The following TG variants were observed in gnomAD, a reference collection of about 807,000 sequenced individuals.
The protein encoded by TG is thyroglobulin.
Under a neutral mutation model 324.7 loss-of-function variants are expected in TG, and 270 were observed. That is an observed-to-expected ratio of 0.83 (90% CI 0.75 to 0.92). The LOEUF (loss-of-function observed/expected upper bound fraction) is 0.92. Ranked by LOEUF, TG falls within the 40% of genes least tolerant of loss-of-function variation. The pLI is 0.00. For synonymous variants in TG, 1,401 were observed against 1,327.0 expected, an observed-to-expected ratio of 1.06 and a Z score of -1.21; for missense variants, 3,591 against 3,456.4, an observed-to-expected ratio of 1.04 and a Z score of -0.98.
intron 20 of TG, among the ~76,000 whole-genome samples, chr8:132,915,207 G>T (rs980453273): frequency 2.0e-5 from 3 of 152,174 alleles, no homozygotes; most frequent in Non-Finnish European, 4.4e-5. Context: ...GCCCCAGGAG[G>T]CTCCTTGGCC....
At position 133,017,858 on chromosome 8, in the gene TG, G is replaced by C. The variant is rs1318007768; in HGVS notation, c.6643G>C (p.Ala2215Pro). The change falls in exon 38 of 48, where the codon GCC becomes CCC. Residue 2215 changes from alanine (A) to proline (P), a missense_variant. Coordinates refer to ENST00000220616, the MANE Select transcript of TG (RefSeq NM_003235.5). Reference protein sequence around the residue: ...THGRLLGRSQAIQVGTSWKQV... With the variant: ...THGRLLGRSQPIQVGTSWKQV... ...TGGCCGGCTGCTGGGCAGGTCCCAG[G>C]CCATCCAGGTGGGTACCTCATGGAA... The C allele has an allele frequency of 6.2e-7, 1 of 1,614,028 alleles. No individual in the cohort carries two copies. Among genetic ancestry groups the C allele is most frequent in the Admixed American group, 1.7e-5 (1 of 59,998 alleles).
In TG at chr8:132,900,350, G is replaced by A; in HGVS notation, c.3433+11G>A. The A allele has an allele frequency of 6.2e-7, 1 of 1,605,154 alleles. No homozygotes were observed. The highest frequency in any genetic ancestry group is 8.5e-7 in the Non-Finnish European group (1 of 1,175,988). ...GCAGCAGTGCCCAGTGTGAGTAGCA[G>A]CCCCTCCTGGCATGGCTTCTCACCT... On this transcript the variant is annotated intron_variant, in intron 15 of 47. Transcript: ENST00000220616.
chr8:132,949,619 A>G (rs372097694), intron 27 of TG, among the ~76,000 whole-genome samples: 4 of 152,324 alleles, frequency 2.6e-5, no homozygotes, highest in African/African-American at 9.6e-5. Flanking sequence ...TACCAATTGT[A>G]CTGCCCACTC....
At chr8:132,990,719 T>C (rs540752055) in intron 35 of TG, among the ~76,000 whole-genome samples, 24 of 152,308 alleles carry the variant, frequency 1.6e-4, no homozygotes, top group African/African-American at 5.8e-4. Context: ...CTACAAGGTG[T>C]GCACAACTGT....
At chr8:132,942,337 T>C (rs370684070) in intron 26 of TG, among the ~76,000 whole-genome samples, 3 of 152,254 alleles carry the variant, frequency 2.0e-5, no homozygotes, top group South Asian at 4.1e-4. Context: ...TGGTGTGCCA[T>C]TGATTGACTA....
At chr8:132,991,375 T>G (rs1413645810) in intron 35 of TG, among the ~76,000 whole-genome samples, 3 of 152,178 alleles carry the variant, frequency 2.0e-5, no homozygotes, top group East Asian at 3.9e-4. Context: ...GGCACTGGGC[T>G]GATGGCGTGT....
chr8:133,011,036 C>T (rs1009766915), intron 35 of TG, among the ~76,000 whole-genome samples: 7 of 152,248 alleles, frequency 4.6e-5, no homozygotes, highest in African/African-American at 9.6e-5. Context: ...TGGGGTTTTC[C>T]GAGAAGCAGA....
At chr8:132,976,273 C>G (rs1287129422) in intron 34 of TG, among the ~76,000 whole-genome samples, 1 of 152,130 alleles carries the variant, frequency 6.6e-6, no homozygotes, top group African/African-American at 2.4e-5. Flanking sequence ...ATCAAGGAGC[C>G]AGCATCTGTC....
intron 43 of TG, among the ~76,000 whole-genome samples, chr8:133,097,095 G>C (rs1255423984): frequency 3.3e-5 from 5 of 152,240 alleles, no homozygotes; most frequent in Non-Finnish European, 7.3e-5. Context: ...TGTGCATAAA[G>C]CACAAAGAGA....
At chr8:133,095,425 C>T (rs1183807074) in intron 42 of TG, among the ~76,000 whole-genome samples, 1 of 152,200 alleles carries the variant, frequency 6.6e-6, no homozygotes, top group Non-Finnish European at 1.5e-5. Context: ...ACAGATGCCT[C>T]TGCAATTTGT....
At chr8:133,035,798 G>A (rs908491176) in intron 41 of TG, among the ~76,000 whole-genome samples, 1 of 151,954 alleles carries the variant, frequency 6.6e-6, no homozygotes, top group Non-Finnish European at 1.5e-5. Context: ...TTCAAACTTT[G>A]TGTGTCAATA....
At position 133,021,978 on chromosome 8, in the gene TG, C is replaced by T; in HGVS notation, c.6877-13C>T. On this transcript the variant is annotated splice_polypyrimidine_tract_variant and intron_variant, in intron 39 of 47. Transcript: ENST00000220616. ...CCCCACACTTTAGCCTCATGTTTCT[C>T]CAATACCCACAGGCCCCTAACGCGT... is the stretch of plus-strand genomic sequence containing the variant. 6.2e-7 allele frequency: 1 copy of T among 1,614,124 alleles called. No homozygotes were observed. The highest frequency in any genetic ancestry group is 1.1e-5 in the South Asian group (1 of 91,068).
chr8:133,011,888 C>T lies in TG; in HGVS notation c.6263-13C>T. 6.2e-7 allele frequency: 1 copy of T among 1,614,154 alleles called. No homozygotes were observed. Among genetic ancestry groups the T allele is most frequent in the Non-Finnish European group, 8.5e-7 (1 of 1,180,032 alleles). On this transcript the variant is annotated splice_polypyrimidine_tract_variant and intron_variant, in intron 35 of 47. Transcript: ENST00000220616. The stretch of plus-strand genomic sequence containing the variant: ...GACAACTGCATGTGACTGTCCGTTG[C>T]CTTCTCTCCTAGTGTCTCTGGACTC...
At chr8:132,922,589 G>A (rs1242417614) in intron 21 of TG, among the ~76,000 whole-genome samples, 1 of 152,216 alleles carries the variant, frequency 6.6e-6, no homozygotes, top group Non-Finnish European at 1.5e-5. Context: ...AGATGTCTTA[G>A]TCCATTTGGG....
chr8:133,078,391 G>T (rs1477389500), intron 41 of TG, among the ~76,000 whole-genome samples: 1 of 152,194 alleles, frequency 6.6e-6, no homozygotes, highest in Non-Finnish European at 1.5e-5. Context: ...AGCCAGGGAG[G>T]ACTGTATTGT....
chr8:133,100,597 TTAC>T (rs1375693441), intron 43 of TG, among the ~76,000 whole-genome samples: 1 of 152,214 alleles, frequency 6.6e-6, no homozygotes, highest in East Asian at 1.9e-4. Context: ...GGGATTATTA[TTAC>T]TATTTTTCAG....
chr8:132,938,280 G>T (rs1029928550), intron 25 of TG, among the ~76,000 whole-genome samples: 1 of 152,192 alleles, frequency 6.6e-6, no homozygotes, highest in Non-Finnish European at 1.5e-5. Context: ...AGCTTGATCT[G>T]TCACCCAATA....
At position 132,871,348 on chromosome 8, in the gene TG, G is replaced by A. The variant is rs1313276149; in HGVS notation, c.275G>A (p.Cys92Tyr). 5 of 1,614,166 alleles carry A rather than the reference G, an allele frequency of 3.1e-6. No individual in the cohort carries two copies. Among genetic ancestry groups the A allele is most frequent in the African/African-American group, 1.3e-5 (1 of 75,022 alleles). ...GSRQPGRPVA[C>Y]LSFCQLQKQQ... ...CTAACATTGCTCCTTGTACCCACAG[G>A]TCTGTCATTTTGTCAGCTACAGAAA... Residue 92 changes from cysteine (C) to tyrosine (Y), a missense_variant and splice_region_variant, in exon 4 of 48, where the codon TGT (cysteine) becomes TAT (tyrosine). Transcript: ENST00000220616.
In TG at chr8:132,903,376, G is replaced by A. The variant is rs143605968; in HGVS notation, c.3634+1823G>A. ...TCTAGGAAGATTCCTAATTCTTGCCGGGCCTGGCAGGCCACTCCTGCCCCA... is the reference window on the plus strand; with the variant it reads ...TCTAGGAAGATTCCTAATTCTTGCCAGGCCTGGCAGGCCACTCCTGCCCCA... On this transcript the variant is annotated intron_variant, in intron 16 of 47. Transcript: ENST00000220616. Among the ~76,000 whole-genome samples the A allele has an allele frequency of 6.9e-3, 1,048 of 152,296 alleles. 12 individuals are homozygous for A. The highest frequency in any genetic ancestry group is 7.2e-3 in the Non-Finnish European group (493 of 68,028).
Sources: allele counts gnomAD v4.1 joint callset (sites outside exome capture counted in the v4.1 genomes callset), GRCh38; gene constraint gnomAD v4.1.1; transcripts MANE v1.5; gene names NCBI Gene and HGNC (gene_info 2026-07-23, HGNC 2026-07-21).